Variants in TMTC1 observed in about 807,000 individuals in gnomAD.
TMTC1 encodes protein O-mannosyl-transferase TMTC1.
A neutral mutation model predicts 104.8 loss-of-function variants in TMTC1; 73 were observed. That is an observed-to-expected ratio of 0.70 (90% CI 0.58 to 0.85). TMTC1 has a LOEUF of 0.85. Among genes scored for constraint, TMTC1 ranks in the 40% least tolerant of loss-of-function variants. TMTC1 has a pLI of 0.00. For synonymous variants in TMTC1, 434 were observed against 428.7 expected (o/e 1.01, Z -0.15); for missense variants, 1,035 against 1,096.1 (o/e 0.94, Z 0.79).
intron 5 of TMTC1, among the ~76,000 whole-genome samples, chr12:29,655,337 T>C (rs1235683281): frequency 6.6e-6 from 1 of 152,162 alleles, no homozygotes; most frequent in Admixed American, 6.6e-5. Flanking sequence ...AAACAATGAA[T>C]GGGAATGAGA....
chr12:29,613,844 A>G, intron 6 of TMTC1: 6 of 581,246 alleles, frequency 1.0e-5, no homozygotes, highest in Non-Finnish European at 1.3e-5. Flanking sequence ...AAGCAGGATG[A>G]TCACTTCTTT....
chr12:29,579,740 G>T (rs1333645096), intron 8 of TMTC1, among the ~76,000 whole-genome samples: 4 of 152,186 alleles, frequency 2.6e-5, no homozygotes, highest in African/African-American at 9.7e-5. Flanking sequence ...CCAGAGCTAT[G>T]CGGTGATCCA....
intron 5 of TMTC1, among the ~76,000 whole-genome samples, chr12:29,676,279 G>C (rs1040739107): frequency 6.6e-6 from 1 of 152,248 alleles, no homozygotes; most frequent in East Asian, 1.9e-4. Flanking sequence ...CCTATTTTAT[G>C]TAACTTTCTT....
chr12:29,704,298 C>A (rs1227261889), intron 5 of TMTC1, among the ~76,000 whole-genome samples: 1 of 152,154 alleles, frequency 6.6e-6, no homozygotes, highest in Admixed American at 6.5e-5. Context: ...GCAAGTCCAG[C>A]TTTGTATCAT....
chr12:29,685,596 T>C (rs1267832169), intron 5 of TMTC1, among the ~76,000 whole-genome samples: 1 of 151,992 alleles, frequency 6.6e-6, no homozygotes, highest in Non-Finnish European at 1.5e-5. Flanking sequence ...CAAATTACTC[T>C]GTTAAGAGGC....
At chr12:29,664,185 T>C (rs1940177576) in intron 5 of TMTC1, among the ~76,000 whole-genome samples, 1 of 141,158 alleles carries the variant, frequency 7.1e-6, no homozygotes, top group South Asian at 2.2e-4. Flanking sequence ...AGACTCCGTC[T>C]CAAAAAAATA....
At chr12:29,569,748 ATGAT>A (rs1945615182) in intron 9 of TMTC1, among the ~76,000 whole-genome samples, 1 of 152,226 alleles carries the variant, frequency 6.6e-6, no homozygotes. Flanking sequence ...CCACACAAAA[ATGAT>A]ATTTTTAACC....
chr12:29,643,430 G>GATATAT (rs140009038), intron 5 of TMTC1, among the ~76,000 whole-genome samples: 36 of 121,146 alleles, frequency 3.0e-4, no homozygotes, highest in Non-Finnish European at 5.4e-4. Context: ...GATAAACTGT[G>GATATAT]ATATATATAT....
At chr12:29,631,752 T>C (rs771958051) in intron 6 of TMTC1, among the ~76,000 whole-genome samples, 1 of 152,230 alleles carries the variant, frequency 6.6e-6, no homozygotes, top group African/African-American at 2.4e-5. Flanking sequence ...ATACATTTGA[T>C]GAGTTTCCAT....
chr12:29,570,270 T>C (rs1945631195), intron 9 of TMTC1, among the ~76,000 whole-genome samples: 1 of 152,196 alleles, frequency 6.6e-6, no homozygotes, highest in Admixed American at 6.5e-5. Flanking sequence ...GCAAAAGGAA[T>C]AGATGTTCAT....
chr12:29,699,860 T>C (rs1170108338), intron 5 of TMTC1, among the ~76,000 whole-genome samples: 1 of 151,882 alleles, frequency 6.6e-6, no homozygotes, highest in Non-Finnish European at 1.5e-5. Context: ...AGGGCTGGTC[T>C]TGAACTCCTA....
At chr12:29,624,403 C>T (rs7980079) in intron 6 of TMTC1, among the ~76,000 whole-genome samples, 4 of 151,910 alleles carry the variant, frequency 2.6e-5, no homozygotes, top group Admixed American at 1.3e-4. Context: ...GGAAAGTAGG[C>T]GAAGGCTTAA....
At chr12:29,715,733 T>A (rs865810861) in intron 5 of TMTC1, among the ~76,000 whole-genome samples, 21 of 152,112 alleles carry the variant, frequency 1.4e-4, no homozygotes, top group South Asian at 1.0e-3. Context: ...TGGGGAGGCC[T>A]CAGGAAACTT....
chr12:29,586,153 A>G (rs1478790451), intron 7 of TMTC1, among the ~76,000 whole-genome samples: 3 of 152,170 alleles, frequency 2.0e-5, no homozygotes, highest in Non-Finnish European at 4.4e-5. Context: ...GAGGTCCTTC[A>G]CATCCCTTGT....
At chr12:29,768,151 T>G in intron 1 of TMTC1, 76 bp from the exon 2 acceptor site, 1 of 1,042,898 alleles carries the variant, frequency 9.6e-7, no homozygotes, top group Admixed American at 2.9e-5. Context: ...ACAGACGGAA[T>G]CCATCATTTA....
intron 5 of TMTC1, among the ~76,000 whole-genome samples, chr12:29,699,071 AC>A (rs757059374): frequency 2.6e-5 from 4 of 152,128 alleles, no homozygotes; most frequent in Non-Finnish European, 5.9e-5. Flanking sequence ...TTAATTATGG[AC>A]CCCCCAAGAT....
At chr12:29,652,284 T>C (rs1335340984) in intron 5 of TMTC1, among the ~76,000 whole-genome samples, 1 of 152,108 alleles carries the variant, frequency 6.6e-6, no homozygotes, top group Non-Finnish European at 1.5e-5. Context: ...CTCAAGAACG[T>C]GGGAAAGAAT....
intron 1 of TMTC1, among the ~76,000 whole-genome samples, chr12:29,769,333 C>T (rs879675954): frequency 9.2e-5 from 14 of 152,176 alleles, no homozygotes; most frequent in Non-Finnish European, 1.8e-4. Flanking sequence ...GGATCCAACT[C>T]CAGGGCTCTG....
intron 5 of TMTC1, among the ~76,000 whole-genome samples, chr12:29,740,410 A>G (rs1942793567): frequency 6.6e-6 from 1 of 152,128 alleles, no homozygotes; most frequent in Admixed American, 6.5e-5. Context: ...AGCATGAAAA[A>G]GAGAGACAAG....
Sources: gnomAD v4.1 joint callset for allele counts (sites outside exome capture counted in the v4.1 genomes callset) on GRCh38, gnomAD v4.1.1 for gene constraint, MANE v1.5 for transcripts, NCBI Gene and HGNC (gene_info 2026-07-23, HGNC 2026-07-21) for gene names.